The following MCC variants were observed in gnomAD, a reference collection of about 807,000 sequenced individuals.
The protein encoded by MCC is MCC regulator of Wnt signaling pathway, also known as colorectal mutant cancer protein.
A neutral mutation model predicts 116.2 loss-of-function variants in MCC; 90 were observed. The observed-to-expected ratio is 0.77, with a 90% CI of 0.65 to 0.92. The LOEUF (loss-of-function observed/expected upper bound fraction) is 0.92, where lower values mean the gene tolerates loss of function less well. Among genes scored for constraint, MCC ranks in the 40% least tolerant of loss-of-function variants. MCC has a pLI of 0.00. For missense variants in MCC, 1,516 were observed against 1,312.2 expected (o/e 1.16, Z -2.40); for synonymous variants, 578 against 510.5 (o/e 1.13, Z -1.78).
At chr5:113,294,357 C>A in intron 3 of MCC, 1 of 1,564,964 alleles carries the variant, frequency 6.4e-7, no homozygotes, top group Non-Finnish European at 8.7e-7. Flanking sequence ...GGAGTCGTTT[C>A]CATATTTCAT....
chr5:113,420,484 A>T (rs1375588530), intron 1 of MCC, among the ~76,000 whole-genome samples: 1 of 152,158 alleles, frequency 6.6e-6, no homozygotes, highest in Non-Finnish European at 1.5e-5. Context: ...TCAAGCAGGG[A>T]TCATCTCTAT....
chr5:113,358,908 G>A (rs1001035806), intron 2 of MCC, among the ~76,000 whole-genome samples: 4 of 152,104 alleles, frequency 2.6e-5, no homozygotes, highest in South Asian at 4.1e-4. Context: ...CCCTAGCATC[G>A]TCCACTACAA....
chr5:113,302,603 G>GAT (rs1446405836), intron 3 of MCC, among the ~76,000 whole-genome samples: 1 of 152,130 alleles, frequency 6.6e-6, no homozygotes, highest in East Asian at 1.9e-4. Context: ...GTATTTTAGA[G>GAT]ATATATTAAA....
rs202065638 is a variant in MCC, at chr5:113,450,252, A to C, written c.170+37993T>G. Among the ~76,000 whole-genome samples, 32 of 152,274 alleles carry C rather than the reference A, an allele frequency of 2.1e-4. No homozygotes were observed. In the East Asian group the frequency reaches 6.0e-3, roughly 28 times the overall value. Reference sequence around the variant, plus strand: ...GTTACCTTATTAGCACCTTACCTTGAATTAGTTTATTAATTTAAGCCTAGA... The same window carrying C: ...GTTACCTTATTAGCACCTTACCTTGCATTAGTTTATTAATTTAAGCCTAGA... On this transcript the variant is annotated intron_variant, in intron 1 of 18. Coordinates refer to ENST00000408903, the MANE Select transcript of MCC (RefSeq NM_001085377.2).
chr5:113,479,495 T>G (rs867654187), intron 1 of MCC, among the ~76,000 whole-genome samples: 114 of 152,136 alleles, frequency 7.5e-4, no homozygotes, highest in African/African-American at 2.6e-3. Flanking sequence ...ATCGGTTAGC[T>G]CTTCTCAAAA....
rs1246263044 is a variant in MCC at position 113,185,156 on chromosome 5, A to C, written c.628-33734T>G. Among the ~76,000 whole-genome samples, 4 of 152,152 alleles carry C rather than the reference A, an allele frequency of 2.6e-5. No homozygotes were observed. In the East Asian group the frequency reaches 7.7e-4, roughly 29 times the overall value. On this transcript the variant is annotated intron_variant, in intron 3 of 18. Coordinates refer to ENST00000408903, the MANE Select transcript of MCC (RefSeq NM_001085377.2). ...AAGAGAGAGTGGGCATAAGGGGTTGAATTCATCCAACTTTGGATCCTGACT... is the reference window on the plus strand; with the variant it reads ...AAGAGAGAGTGGGCATAAGGGGTTGCATTCATCCAACTTTGGATCCTGACT...
intron 2 of MCC, among the ~76,000 whole-genome samples, chr5:113,375,527 C>T (rs1308200260): frequency 2.0e-5 from 3 of 152,162 alleles, no homozygotes; most frequent in African/African-American, 7.2e-5. Flanking sequence ...CAATTCTCAG[C>T]TGGGCTGGGC....
chr5:113,105,968 G>A (rs1344639700), intron 6 of MCC, among the ~76,000 whole-genome samples: 4 of 152,262 alleles, frequency 2.6e-5, no homozygotes, highest in Admixed American at 1.3e-4. Context: ...GGATGCCCAG[G>A]CCCCACCCCA....
chr5:113,206,746 GA>G (rs1762929106), intron 3 of MCC, among the ~76,000 whole-genome samples: 2 of 152,296 alleles, frequency 1.3e-5, no homozygotes, highest in South Asian at 4.1e-4. Flanking sequence ...GCACTTTGAG[GA>G]ACCCTAGTCT....
chr5:113,383,288 T>C (rs1769169963), intron 2 of MCC, among the ~76,000 whole-genome samples: 1 of 152,248 alleles, frequency 6.6e-6, no homozygotes, highest in East Asian at 1.9e-4. Context: ...TATGTGTTTA[T>C]AGAAGAAATC....
rs1760655986 is a variant in MCC, at chr5:113,164,273, T to G, written c.628-12851A>C. 3.9e-5 allele frequency among the ~76,000 whole-genome samples: 6 copies of G among 152,266 alleles called. No homozygotes were observed. In the South Asian group the frequency reaches 1.2e-3, roughly 32 times the overall value. On this transcript the variant is annotated intron_variant, in intron 3 of 18. Coordinates refer to ENST00000408903, the MANE Select transcript of MCC (RefSeq NM_001085377.2). ...TCCTCAGACAGCCAAGCCTGCTCAC[T>G]GTTGGATAGCTACTGGCATTTGCAA...
chr5:113,187,072 C>T lies in MCC; in HGVS notation c.628-35650G>A, dbSNP rs899464473. 3.9e-5 allele frequency among the ~76,000 whole-genome samples: 6 copies of T among 152,196 alleles called. No individual in the cohort carries two copies. In the East Asian group the frequency reaches 5.8e-4, roughly 15 times the overall value. On this transcript the variant is annotated intron_variant, in intron 3 of 18. Transcript: ENST00000408903. ...TAAGATACAGGATACTTTGAGGCTC[C>T]TCAACATCTGCCCCAACCAAACCAT...
chr5:113,378,565 GC>G (rs1769038262), intron 2 of MCC, among the ~76,000 whole-genome samples: 1 of 152,098 alleles, frequency 6.6e-6, no homozygotes, highest in South Asian at 2.1e-4. Context: ...AAGTTTTGGG[GC>G]TCTCTGAGAC....
chr5:113,083,033 C>T (rs1561792271), intron 10 of MCC, 25 bp from the exon 11 acceptor site: 5 of 1,599,240 alleles, frequency 3.1e-6, no homozygotes, highest in Non-Finnish European at 4.3e-6. Flanking sequence ...ATTAATTCCC[C>T]TTTGGAACAT....
chr5:113,097,915 G>A (rs568024895), intron 8 of MCC, among the ~76,000 whole-genome samples: 1 of 152,328 alleles, frequency 6.6e-6, no homozygotes, highest in South Asian at 2.1e-4. Flanking sequence ...CCCAGGATGA[G>A]AGAGGCCCAG....
intron 14 of MCC, among the ~76,000 whole-genome samples, chr5:113,061,518 G>C (rs560423290): frequency 4.6e-5 from 7 of 152,278 alleles, no homozygotes; most frequent in Admixed American, 2.0e-4. Context: ...TATACTTTCT[G>C]ATGAGGCCAT....
chr5:113,163,412 A>G (rs552548399), intron 3 of MCC, among the ~76,000 whole-genome samples: 1 of 152,344 alleles, frequency 6.6e-6, no homozygotes, highest in African/African-American at 2.4e-5. Context: ...TCCCACATGT[A>G]TGACTCATTT....
chr5:113,319,608 A>T (rs924664755), intron 3 of MCC, among the ~76,000 whole-genome samples: 3 of 152,166 alleles, frequency 2.0e-5, no homozygotes, highest in Non-Finnish European at 4.4e-5. Context: ...CCAAAATTCA[A>T]CTTGAAGGAA....
At chr5:113,161,410 T>C (rs1015080388) in intron 3 of MCC, among the ~76,000 whole-genome samples, 1 of 152,230 alleles carries the variant, frequency 6.6e-6, no homozygotes, top group Non-Finnish European at 1.5e-5. Flanking sequence ...TGTTCATAAA[T>C]TTTTATATTG....
Sources: allele counts gnomAD v4.1 joint callset (sites outside exome capture counted in the v4.1 genomes callset), GRCh38; gene constraint gnomAD v4.1.1; transcripts MANE v1.5; gene names NCBI Gene and HGNC (gene_info 2026-07-23, HGNC 2026-07-21).